Variants in CD44 observed in about 807,000 individuals in gnomAD.
CD44 encodes the protein CD44 molecule (IN blood group), also known as CD44 antigen.
In CD44, 49 loss-of-function variants were observed where a neutral mutation model predicts 88.8. That is an observed-to-expected ratio of 0.55 (90% CI 0.44 to 0.70). The LOEUF is 0.70. Among genes scored for constraint, CD44 ranks in the 30% least tolerant of loss-of-function variants. The pLI, the probability that CD44 is intolerant of heterozygous loss-of-function variation, is 0.00. For synonymous variants in CD44, 325 were observed against 312.3 expected, an observed-to-expected ratio of 1.04 and a Z score of -0.43; for missense variants, 883 against 913.8, an observed-to-expected ratio of 0.97 and a Z score of 0.43.
chr11:35,229,297 G>C lies in CD44; in HGVS notation c.2193G>C (p.Arg731Ser), dbSNP rs1468695667. Residue 731 changes from arginine (R) to serine (S), a missense_variant, in exon 18 of 18, where the codon AGG becomes AGC. This residue lies in a region of CD44 where 631 missense variants were observed against 590.9 expected (regional missense o/e 1.07). Coordinates refer to ENST00000428726, the MANE Select transcript of CD44 (RefSeq NM_000610.4). The stretch of plus-strand genomic sequence containing the variant: ...AGTTTATGACAGCTGATGAGACAAG[G>C]AACCTGCAGAATGTGGACATGAAGA... ...PDQFMTADET[R>S]NLQNVDMKIG... is the part of the protein sequence containing the mutation. 1 of 1,613,618 alleles carries C rather than the reference G, an allele frequency of 6.2e-7. No homozygotes were observed. The highest frequency in any genetic ancestry group is 1.3e-5 in the African/African-American group (1 of 74,908).
At chr11:35,176,953 C>T in intron 2 of CD44, 1 of 515,806 alleles carries the variant, frequency 1.9e-6, no homozygotes, top group Non-Finnish European at 3.4e-6. Context: ...AGAGCGGGAA[C>T]CCAGAGGAAG....
intron 2 of CD44, among the ~76,000 whole-genome samples, chr11:35,177,304 C>T (rs1049619542): frequency 6.6e-6 from 1 of 152,260 alleles, no homozygotes; most frequent in East Asian, 1.9e-4. Context: ...AGGGCTCCTA[C>T]CAGTTATTCT....
Position 35,190,005 on chromosome 11 carries a change from C to T in CD44, c.607C>T (p.Pro203Ser). The change falls in exon 5 of 18, where the codon CCC (proline) becomes TCC (serine). Residue 203 changes from proline to serine, a missense_variant. This residue lies in a region of CD44 where 252 missense variants were observed against 322.9 expected (regional missense o/e 0.78). Transcript: ENST00000428726. The part of the protein sequence containing the change: ...YIFYTFSTVH[P>S]IPDEDSPWIT... ...CTTTTACACCTTTTCTACTGTACAC[C>T]CCATCCCAGACGAAGACAGTCCCTG... 6.2e-7 allele frequency: 1 copy of T among 1,614,142 alleles called. No homozygotes were observed. Among genetic ancestry groups the T allele is most frequent in the Non-Finnish European group, 8.5e-7 (1 of 1,180,014 alleles).
At chr11:35,218,809 G>A (rs557273648) in intron 15 of CD44, 1 of 155,294 alleles carries the variant, frequency 6.4e-6, no homozygotes, top group South Asian at 2.0e-4. Context: ...TGTCCTGATG[G>A]TCTGAGAGCC....
chr11:35,170,697 G>A (rs1943774944), intron 1 of CD44, among the ~76,000 whole-genome samples: 1 of 152,230 alleles, frequency 6.6e-6, no homozygotes, highest in Non-Finnish European at 1.5e-5. Context: ...GCTTGTTTGA[G>A]AGATGCAATC....
At chr11:35,142,735 T>C (rs1259094160) in intron 1 of CD44, among the ~76,000 whole-genome samples, 1 of 152,222 alleles carries the variant, frequency 6.6e-6, no homozygotes, top group Non-Finnish European at 1.5e-5. Flanking sequence ...TGGCAGCCAG[T>C]AGGAAAATGT....
chr11:35,181,787 AATTTATATATAAATTAT>A (rs928682269), intron 3 of CD44, among the ~76,000 whole-genome samples: 1 of 99,898 alleles, frequency 1.0e-5, no homozygotes, highest in Non-Finnish European at 1.9e-5. Flanking sequence ...TATTTATATA[AATTTATATATAAATTAT>A]ATTTATATAT....
At chr11:35,144,420 A>G (rs1858683636) in intron 1 of CD44, among the ~76,000 whole-genome samples, 1 of 152,232 alleles carries the variant, frequency 6.6e-6, no homozygotes, top group Non-Finnish European at 1.5e-5. Flanking sequence ...CAAGAAACCG[A>G]TGACTCAATT....
chr11:35,182,860 G>T (rs1418555143), intron 3 of CD44, among the ~76,000 whole-genome samples: 1 of 152,192 alleles, frequency 6.6e-6, no homozygotes, highest in Admixed American at 6.5e-5. Flanking sequence ...TGTCTTACCT[G>T]TTTTGCAAGT....
intron 15 of CD44, among the ~76,000 whole-genome samples, chr11:35,216,498 G>A (rs939903122): frequency 6.6e-6 from 1 of 152,188 alleles, no homozygotes; most frequent in Non-Finnish European, 1.5e-5. Context: ...ACTCTCTATG[G>A]AGGAGCACTA....
At chr11:35,147,526 CT>C (rs1229245464) in intron 1 of CD44, among the ~76,000 whole-genome samples, 2 of 152,244 alleles carry the variant, frequency 1.3e-5, no homozygotes, top group East Asian at 3.9e-4. Context: ...GCAAGGCCCC[CT>C]GGGAACATCT....
chr11:35,229,326 G>A lies in CD44; in HGVS notation c.2222G>A (p.Gly741Glu). Residue 741 changes from glycine (G) to glutamate (E), a missense_variant, in exon 18 of 18, where the codon GGG becomes GAG. Gly to Glu is a moderately conservative substitution (Grantham distance 98, BLOSUM62 -2). Coordinates refer to ENST00000428726, the MANE Select transcript of CD44 (RefSeq NM_000610.4). Reference protein sequence around the residue: ...RNLQNVDMKIGV With the variant: ...RNLQNVDMKIEV ...CTGCAGAATGTGGACATGAAGATTG[G>A]GGTGTAACACCTACACCATTATCTT... is the stretch of plus-strand genomic sequence containing the variant. The A allele has an allele frequency of 1.2e-6, 2 of 1,604,828 alleles. No individual in the cohort carries two copies. The highest frequency in any genetic ancestry group is 1.7e-4 in the Middle Eastern group (1 of 6,034).
chr11:35,223,198 AT>A (rs11384802), intron 17 of CD44: 165 of 984,932 alleles, frequency 1.7e-4, no homozygotes, highest in Non-Finnish European at 1.9e-4. Context: ...GAATGGAAAG[AT>A]TTTTTTTAGT....
At chr11:35,146,458 C>T (rs956086777) in intron 1 of CD44, among the ~76,000 whole-genome samples, 7 of 152,166 alleles carry the variant, frequency 4.6e-5, no homozygotes, top group Non-Finnish European at 1.0e-4. Flanking sequence ...TTTCTGAGAA[C>T]CCTCACCACT....
At chr11:35,175,030 G>A (rs992478693) in intron 1 of CD44, among the ~76,000 whole-genome samples, 1 of 152,122 alleles carries the variant, frequency 6.6e-6, no homozygotes, top group African/African-American at 2.4e-5. Context: ...GGTGTTTAGG[G>A]AAGCACTCTA....
In CD44 at chr11:35,172,304, C is replaced by G. The variant is rs546696949; in HGVS notation, c.68-4271C>G. On this transcript the variant is annotated intron_variant, in intron 1 of 17. Transcript: ENST00000428726. ...AATTCTCAAAGAAATGCTTCAGGAT[C>G]TTGATCCCACTTGTTTAAAATTTCC... Among the ~76,000 whole-genome samples the G allele has an allele frequency of 8.5e-5, 13 of 152,298 alleles. No individual in the cohort carries two copies. In the South Asian group the frequency reaches 2.7e-3, roughly 32 times the overall value.
chr11:35,147,762 C>T (rs1273842321), intron 1 of CD44, among the ~76,000 whole-genome samples: 1 of 152,170 alleles, frequency 6.6e-6, no homozygotes, highest in Non-Finnish European at 1.5e-5. Context: ...AGTAAAGCCC[C>T]TTTGCAAGTG....
chr11:35,211,877 A>T (rs555225665), intron 14 of CD44, among the ~76,000 whole-genome samples: 2 of 152,234 alleles, frequency 1.3e-5, no homozygotes, highest in Non-Finnish European at 2.9e-5. Flanking sequence ...TTTATCCTAC[A>T]GGTGAATAAT....
intron 14 of CD44, chr11:35,212,834 T>A (rs1241876395): frequency 6.7e-6 from 1 of 148,780 alleles, no homozygotes; most frequent in Non-Finnish European, 1.5e-5. Context: ...TGAATTTAAT[T>A]TTTTTTTTTT....
Sources: gnomAD v4.1 joint callset for allele counts (sites outside exome capture counted in the v4.1 genomes callset) on GRCh38, gnomAD v4.1.1 for gene constraint, gnomAD v4.1.1 regional missense constraint, MANE v1.5 for transcripts, NCBI Gene and HGNC (gene_info 2026-07-23, HGNC 2026-07-21) for gene names.